Variants in AGBL4 observed in about 807,000 individuals in gnomAD.
The protein encoded by AGBL4 is cytosolic carboxypeptidase 6.
Under a neutral mutation model 66.4 loss-of-function variants are expected in AGBL4, and 58 were observed. That is an observed-to-expected ratio of 0.87 (90% confidence interval 0.71 to 1.09). The LOEUF (loss-of-function observed/expected upper bound fraction) is 1.09. AGBL4 is among the 50% of genes least tolerant of loss of function. The pLI is 0.00. For missense variants in AGBL4, 579 were observed against 631.0 expected (o/e 0.92, Z 0.88); for synonymous variants, 234 against 222.9 (o/e 1.05, Z -0.44).
chr1:49,966,795 G>T (rs1657602294), intron 1 of AGBL4, among the ~76,000 whole-genome samples: 1 of 152,056 alleles, frequency 6.6e-6, no homozygotes, highest in Non-Finnish European at 1.5e-5. Context: ...ACTGATTCAA[G>T]ACTATTTTCT....
intron 1 of AGBL4, among the ~76,000 whole-genome samples, chr1:50,003,095 T>G (rs964804082): frequency 2.0e-5 from 3 of 152,166 alleles, no homozygotes; most frequent in African/African-American, 7.2e-5. Context: ...TGATATAAAT[T>G]TGCTTATAAT....
intron 4 of AGBL4, among the ~76,000 whole-genome samples, chr1:49,243,831 T>C (rs1570190019): frequency 6.6e-6 from 1 of 151,856 alleles, no homozygotes; most frequent in East Asian, 1.9e-4. Flanking sequence ...TGATGTGCTA[T>C]GGTACCTTAT....
At chr1:49,413,811 G>A (rs1645370077) in intron 3 of AGBL4, among the ~76,000 whole-genome samples, 1 of 151,982 alleles carries the variant, frequency 6.6e-6, no homozygotes, top group African/African-American at 2.4e-5. Context: ...TTTGAAATCG[G>A]GGAAATCTTA....
At chr1:49,620,677 G>A (rs1645342477) in intron 3 of AGBL4, among the ~76,000 whole-genome samples, 1 of 152,088 alleles carries the variant, frequency 6.6e-6, no homozygotes, top group Non-Finnish European at 1.5e-5. Context: ...ACCTATATAT[G>A]AGGAAAATCG....
At chr1:49,750,407 T>C (rs549617027) in intron 2 of AGBL4, among the ~76,000 whole-genome samples, 18 of 152,312 alleles carry the variant, frequency 1.2e-4, no homozygotes, top group African/African-American at 4.3e-4. Context: ...GTTTTAGATG[T>C]GTGGTGTTAT....
intron 4 of AGBL4, among the ~76,000 whole-genome samples, chr1:49,107,311 G>A (rs964926267): frequency 3.9e-5 from 6 of 152,094 alleles, no homozygotes; most frequent in Admixed American, 1.3e-4. Context: ...CACATTTAAG[G>A]TAGGCAAGGC....
chr1:48,591,705 T>C (rs1034652743), intron 9 of AGBL4, among the ~76,000 whole-genome samples: 13 of 152,322 alleles, frequency 8.5e-5, no homozygotes, highest in African/African-American at 3.1e-4. Context: ...GTTAGCCTTG[T>C]GTCATGATGC....
At chr1:48,836,838 A>T (rs1158070490) in intron 6 of AGBL4, among the ~76,000 whole-genome samples, 1 of 152,070 alleles carries the variant, frequency 6.6e-6, no homozygotes, top group Non-Finnish European at 1.5e-5. Context: ...AGATTCATTT[A>T]TTAAACAAAT....
intron 12 of AGBL4, 88 bp from the exon 13 acceptor site, chr1:48,535,004 G>A: frequency 7.8e-7 from 1 of 1,276,618 alleles, no homozygotes; most frequent in Non-Finnish European, 1.1e-6. Context: ...TGTCATTGAA[G>A]GATGTTGTTT....
chr1:49,368,687 T>C (rs1644285684), intron 3 of AGBL4, among the ~76,000 whole-genome samples: 1 of 152,290 alleles, frequency 6.6e-6, no homozygotes, highest in South Asian at 2.1e-4. Context: ...AAGCAATCTG[T>C]GGGTTCTTTT....
At chr1:49,135,340 T>C (rs1196126607) in intron 4 of AGBL4, among the ~76,000 whole-genome samples, 1 of 152,088 alleles carries the variant, frequency 6.6e-6, no homozygotes, top group African/African-American at 2.4e-5. Context: ...GTAAAAGATA[T>C]ATGTGCAAAC....
intron 6 of AGBL4, among the ~76,000 whole-genome samples, chr1:48,727,299 A>C (rs1305553537): frequency 6.6e-6 from 1 of 152,210 alleles, no homozygotes; most frequent in Non-Finnish European, 1.5e-5. Flanking sequence ...TTGAGTGAGA[A>C]AGGTGACTGG....
At chr1:49,442,089 CA>C (rs1646046834) in intron 3 of AGBL4, among the ~76,000 whole-genome samples, 1 of 152,098 alleles carries the variant, frequency 6.6e-6, no homozygotes, top group Non-Finnish European at 1.5e-5. Context: ...GTAGGAGATC[CA>C]GTGTTGTCTT....
intron 9 of AGBL4, among the ~76,000 whole-genome samples, chr1:48,623,084 A>G (rs1056776844): frequency 3.3e-5 from 5 of 152,190 alleles, no homozygotes; most frequent in African/African-American, 4.8e-5. Flanking sequence ...TCTAAGAACA[A>G]TTTGAAAACC....
At position 48,744,281 on chromosome 1, in the gene AGBL4, A is replaced by G. The variant is rs958020711; in HGVS notation, c.635-81040T>C. ...AAATGTTTGCTAAGTAAATAAAACA[A>G]TGACAACAATGAATGAGTAATTCTA... On this transcript the variant is annotated intron_variant, in intron 6 of 13. Transcript: ENST00000371839. Among the ~76,000 whole-genome samples, 6 of 152,254 alleles carry G rather than the reference A, an allele frequency of 3.9e-5. No individual in the cohort carries two copies. In the South Asian group the frequency reaches 1.2e-3, roughly 31 times the overall value.
intron 4 of AGBL4, among the ~76,000 whole-genome samples, chr1:49,134,162 G>A (rs1045846944): frequency 1.3e-5 from 2 of 152,014 alleles, no homozygotes; most frequent in South Asian, 2.1e-4. Context: ...GGGAGTGTAC[G>A]AATAGGGTGT....
At chr1:49,144,918 CA>C (rs1322880983) in intron 4 of AGBL4, among the ~76,000 whole-genome samples, 3 of 152,028 alleles carry the variant, frequency 2.0e-5, no homozygotes, top group Admixed American at 6.6e-5. Flanking sequence ...GTAACACAAT[CA>C]GACATTATTG....
intron 5 of AGBL4, among the ~76,000 whole-genome samples, chr1:48,955,249 A>T: frequency 6.6e-6 from 1 of 152,334 alleles, no homozygotes; most frequent in East Asian, 1.9e-4. Context: ...GGTGACGCAG[A>T]CATTTTTAAC....
At chr1:49,919,520 C>A (rs999579854) in intron 1 of AGBL4, among the ~76,000 whole-genome samples, 2 of 152,066 alleles carry the variant, frequency 1.3e-5, no homozygotes, top group African/African-American at 4.8e-5. Flanking sequence ...ACCTAGGAAT[C>A]CAACTTACAA....
Sources: gnomAD v4.1 joint callset for allele counts (sites outside exome capture counted in the v4.1 genomes callset) on GRCh38, gnomAD v4.1.1 for gene constraint, MANE v1.5 for transcripts, NCBI Gene and HGNC (gene_info 2026-07-23, HGNC 2026-07-21) for gene names.